The following GPRIN3 variants were observed in gnomAD, a reference collection of about 807,000 sequenced individuals.
GPRIN3 encodes the protein G protein-regulated inducer of neurite outgrowth 3.
GPRIN3 carries 12 observed loss-of-function variants against 13.7 expected under a neutral mutation model. The ratio of observed to expected loss-of-function variants is 0.87; its 90% CI spans 0.56 to 1.42. The LOEUF (loss-of-function observed/expected upper bound fraction) is 1.42. Among genes scored for constraint, GPRIN3 ranks in the 40% most tolerant of loss-of-function variants. The pLI is 0.00. For synonymous variants in GPRIN3, 377 were observed against 372.7 expected (o/e 1.01, Z -0.13); for missense variants, 1,009 against 958.7 (o/e 1.05, Z -0.69).
chr4:89,283,308 G>C (rs1305489450), intron 1 of GPRIN3, among the ~76,000 whole-genome samples: 1 of 152,226 alleles, frequency 6.6e-6, no homozygotes, highest in Admixed American at 6.5e-5. Flanking sequence ...CCTGCCTTCA[G>C]AAGCTCACAT....
intron 1 of GPRIN3, among the ~76,000 whole-genome samples, chr4:89,273,171 C>T (rs1271124255): frequency 6.6e-6 from 1 of 152,186 alleles, no homozygotes; most frequent in African/African-American, 2.4e-5. Flanking sequence ...GCAATCACCA[C>T]TAAAAATTGG....
intron 1 of GPRIN3, among the ~76,000 whole-genome samples, chr4:89,278,905 A>C (rs1265212307): frequency 6.6e-6 from 1 of 152,202 alleles, no homozygotes; most frequent in African/African-American, 2.4e-5. Flanking sequence ...AGAGGGTACA[A>C]ACCAAGTCAT....
chr4:89,297,899 A>C (rs925433218), intron 1 of GPRIN3, among the ~76,000 whole-genome samples: 1 of 152,204 alleles, frequency 6.6e-6, no homozygotes, highest in African/African-American at 2.4e-5. Context: ...GCAGTCTTAA[A>C]ATACACTTGT....
intron 1 of GPRIN3, among the ~76,000 whole-genome samples, chr4:89,274,125 G>A (rs370912407): frequency 9.8e-5 from 15 of 152,362 alleles, no homozygotes; most frequent in East Asian, 9.6e-4. Flanking sequence ...TTTGCCCGAT[G>A]AGTGGTGTCA....
At chr4:89,273,782 T>C (rs1171427155) in intron 1 of GPRIN3, among the ~76,000 whole-genome samples, 5 of 152,246 alleles carry the variant, frequency 3.3e-5, no homozygotes, top group Non-Finnish European at 7.3e-5. Context: ...CTCTGTGATA[T>C]GACCTCACGA....
intron 1 of GPRIN3, among the ~76,000 whole-genome samples, chr4:89,292,949 T>C (rs1724621540): frequency 6.6e-6 from 1 of 152,186 alleles, no homozygotes. Flanking sequence ...TCATTAACTT[T>C]TATATTGTAG....
intron 1 of GPRIN3, among the ~76,000 whole-genome samples, chr4:89,275,136 C>CTGTGTGTGTG (rs56091424): frequency 0.11 from 16,581 of 148,950 alleles, 905 homozygotes; most frequent in South Asian, 0.14. Flanking sequence ...CTAAGTAACT[C>CTGTGTGTGTG]TGTGTGTGTG....
chr4:89,248,925 C>T lies in GPRIN3; in HGVS notation c.1186G>A (p.Ala396Thr), dbSNP rs1723210313. Residue 396 changes from alanine (A) to threonine (T), a missense_variant, in exon 2 of 2, where the codon GCA becomes ACA. Physicochemically the swap from Ala to Thr is moderately conservative, Grantham distance 58 (BLOSUM62 0). Transcript: ENST00000609438. ...PGIMPQVHIQ[A>T]AAAESTAFQR... Reference sequence around the variant, plus strand: ...AAAGCTGTAGACTCAGCTGCAGCTGCCTGAATGTGCACCTGTGGCATGATG... The same window carrying T: ...AAAGCTGTAGACTCAGCTGCAGCTGTCTGAATGTGCACCTGTGGCATGATG... The T allele has an allele frequency of 6.2e-7, 1 of 1,614,058 alleles. No individual in the cohort carries two copies. Among genetic ancestry groups the T allele is most frequent in the Admixed American group, 1.7e-5 (1 of 60,016 alleles).
At chr4:89,296,619 TTAAA>T (rs1263886124) in intron 1 of GPRIN3, among the ~76,000 whole-genome samples, 8 of 135,812 alleles carry the variant, frequency 5.9e-5, no homozygotes, top group Admixed American at 5.1e-4. Flanking sequence ...CCATAGGCAG[TTAAA>T]TAAAGACACA....
chr4:89,292,406 T>C (rs1724598268), intron 1 of GPRIN3, among the ~76,000 whole-genome samples: 1 of 152,234 alleles, frequency 6.6e-6, no homozygotes, highest in Non-Finnish European at 1.5e-5. Context: ...AGATTGTTAT[T>C]ACTGGTACTT....
intron 1 of GPRIN3, among the ~76,000 whole-genome samples, chr4:89,262,229 A>C (rs1006308024): frequency 1.3e-5 from 2 of 152,106 alleles, no homozygotes; most frequent in Non-Finnish European, 2.9e-5. Context: ...TAATAATAAA[A>C]TTTCAAGATA....
chr4:89,307,294 CACA>C (rs1561242476), intron 1 of GPRIN3, among the ~76,000 whole-genome samples: 8 of 151,918 alleles, frequency 5.3e-5, no homozygotes, highest in African/African-American at 1.7e-4. Context: ...CACACACACA[CACA>C]CCCCTCATAT....
At chr4:89,272,129 A>C (rs1377255918) in intron 1 of GPRIN3, among the ~76,000 whole-genome samples, 1 of 152,176 alleles carries the variant, frequency 6.6e-6, no homozygotes, top group Non-Finnish European at 1.5e-5. Flanking sequence ...TTTGTAAGCT[A>C]TGCAGTCTGT....
At chr4:89,253,113 A>G (rs761203339) in intron 1 of GPRIN3, among the ~76,000 whole-genome samples, 1 of 151,948 alleles carries the variant, frequency 6.6e-6, no homozygotes, top group African/African-American at 2.4e-5. Context: ...TGTTACTTAT[A>G]TAAATGCCTC....
chr4:89,291,113 T>C (rs1186826921), intron 1 of GPRIN3, among the ~76,000 whole-genome samples: 4 of 152,200 alleles, frequency 2.6e-5, no homozygotes, highest in Admixed American at 6.5e-5. Flanking sequence ...ATCTCCTCCA[T>C]AGCCTGCTTT....
In GPRIN3 at chr4:89,246,596, A is replaced by T. The variant is rs1439389968; in HGVS notation, c.*1184T>A. On this transcript the variant is annotated 3_prime_UTR_variant, in exon 2 of 2. Coordinates refer to ENST00000609438, the MANE Select transcript of GPRIN3 (RefSeq NM_198281.3). ...TATTATGGGTATTTCTCTTAAAATC[A>T]ATAAGTTTGCAGAAGTTACCTTTTT... 4 of 152,220 alleles carry T rather than the reference A, an allele frequency of 2.6e-5. No individual in the cohort carries two copies. The highest frequency in any genetic ancestry group is 9.7e-5 in the African/African-American group (4 of 41,450). The allele number at this position is 152,220 out of a possible 1,614,324, so 9.4% of individuals were successfully genotyped here.
chr4:89,299,277 C>A (rs759085352), intron 1 of GPRIN3, among the ~76,000 whole-genome samples: 3 of 152,068 alleles, frequency 2.0e-5, no homozygotes, highest in African/African-American at 4.8e-5. Flanking sequence ...ATTCTCGGCA[C>A]TGTCTTCTCG....
At position 89,240,564 on chromosome 4, in the gene GPRIN3, T is replaced by C. The variant is rs770177035; in HGVS notation, c.*7216A>G. 4.6e-5 allele frequency: 7 copies of C among 152,176 alleles called. No homozygotes were observed. Among genetic ancestry groups the C allele is most frequent in the African/African-American group, 1.7e-4 (7 of 41,436 alleles). The allele number at this position is 152,176 out of a possible 1,614,324, so 9.4% of individuals were successfully genotyped here. A position where few individuals can be genotyped will look rare whatever the true frequency, so the allele number is the denominator to read the frequency against. On this transcript the variant is annotated 3_prime_UTR_variant, in exon 2 of 2. Transcript: ENST00000609438. ...AAAGGAGTCTCCAAAACATAATCGA[T>C]TTTCATCCCTGTTTGCCATTTCCAG...
At chr4:89,301,817 G>A (rs189396278) in intron 1 of GPRIN3, among the ~76,000 whole-genome samples, 86 of 152,184 alleles carry the variant, frequency 5.7e-4, no homozygotes, top group African/African-American at 1.7e-3. Flanking sequence ...ATATATCTCC[G>A]TCCTCCAGCT....
Sources: allele counts gnomAD v4.1 joint callset (sites outside exome capture counted in the v4.1 genomes callset), GRCh38; gene constraint gnomAD v4.1.1; transcripts MANE v1.5; gene names NCBI Gene and HGNC (gene_info 2026-07-23, HGNC 2026-07-21).